Variants in SOX6 observed in about 807,000 individuals in gnomAD.
SOX6 encodes transcription factor SOX-6.
SOX6 carries 11 observed loss-of-function variants against 97.8 expected under a neutral mutation model. That is an observed-to-expected ratio of 0.11 (90% CI 0.07 to 0.19). The LOEUF (loss-of-function observed/expected upper bound fraction) is 0.19. SOX6 is among the 10% of genes least tolerant of loss of function. The probability of loss-of-function intolerance (pLI) is 1.00; values close to 1 mark genes in which losing one functional copy is unlikely to be tolerated. For missense variants in SOX6, 810 were observed against 1,039.5 expected (o/e 0.78, Z 3.04); for synonymous variants, 360 against 371.4 (o/e 0.97, Z 0.35).
chr11:16,108,405 T>C (rs1849150381), intron 7 of SOX6, among the ~76,000 whole-genome samples: 1 of 152,204 alleles, frequency 6.6e-6, no homozygotes, highest in Non-Finnish European at 1.5e-5. Flanking sequence ...CGTTTCTGTT[T>C]TTCAGGCAAG....
At chr11:16,132,424 AGAAAGAAAGAAAGAAAGAAAAAAGAAAG>A (rs1564972491) in intron 6 of SOX6, among the ~76,000 whole-genome samples, 3 of 108,822 alleles carry the variant, frequency 2.8e-5, no homozygotes, top group African/African-American at 4.1e-5. Flanking sequence ...AAAGAAAGAA[AGAAAGAAAGAAAGAAAGAAAAAAGAAAG>A]AAAGAAAGAA....
chr11:16,687,669 G>A (rs1335532099), intron 3 of SOX6, among the ~76,000 whole-genome samples: 5 of 152,104 alleles, frequency 3.3e-5, no homozygotes, highest in African/African-American at 1.2e-4. Context: ...AGATTTATAG[G>A]TTGACAGTTG....
At chr11:16,455,206 C>A (rs1859789390) in intron 1 of SOX6, among the ~76,000 whole-genome samples, 1 of 151,896 alleles carries the variant, frequency 6.6e-6, no homozygotes, top group African/African-American at 2.4e-5. Flanking sequence ...AATTTGATTT[C>A]TTTACTTCCT....
intron 7 of SOX6, among the ~76,000 whole-genome samples, chr11:16,100,332 T>C (rs1294250152): frequency 5.9e-5 from 9 of 151,820 alleles, no homozygotes; most frequent in African/African-American, 2.2e-4. Context: ...CTTTATGCAC[T>C]ACTGTAATCT....
At chr11:16,047,867 T>C (rs1255460772) in intron 11 of SOX6, among the ~76,000 whole-genome samples, 3 of 151,780 alleles carry the variant, frequency 2.0e-5, no homozygotes, top group Admixed American at 6.6e-5. Context: ...AAGCTATACA[T>C]GGAATTTTTT....
rs563431170 is a variant in SOX6, at chr11:16,421,638, C to G, written c.-5+54677G>C. Among the ~76,000 whole-genome samples the G allele has an allele frequency of 9.2e-5, 14 of 152,226 alleles. No homozygotes were observed. The East Asian group carries it at 2.7e-3, about 29-fold the overall frequency. On this transcript the variant is annotated intron_variant, in intron 1 of 15. Transcript: ENST00000396356. ...TTCAATGATATTGTACAAAAGAAAA[C>G]AAGCTGCACTATCTTTGACTTGATT...
chr11:16,196,156 A>G (rs1225380691), intron 4 of SOX6, among the ~76,000 whole-genome samples: 1 of 152,224 alleles, frequency 6.6e-6, no homozygotes, highest in Non-Finnish European at 1.5e-5. Flanking sequence ...GAAAAGCTTT[A>G]TATATTAAGT....
At chr11:16,550,987 G>A (rs1001674431) in intron 4 of SOX6, among the ~76,000 whole-genome samples, 3 of 152,104 alleles carry the variant, frequency 2.0e-5, no homozygotes, top group African/African-American at 7.2e-5. Flanking sequence ...GGCGGCTTAG[G>A]TGGGAGGATT....
At chr11:16,664,434 C>T (rs1303094807) in intron 3 of SOX6, among the ~76,000 whole-genome samples, 2 of 152,136 alleles carry the variant, frequency 1.3e-5, no homozygotes, top group Non-Finnish European at 2.9e-5. Context: ...CTCAGTGCTG[C>T]CCTGTCACAG....
At position 16,613,432 on chromosome 11, in the gene SOX6, C is replaced by T. The variant is rs1415335404; in HGVS notation, n.430-1172G>A. Among the ~76,000 whole-genome samples, 1 of 152,122 alleles carries T rather than the reference C, an allele frequency of 6.6e-6. No individual in the cohort carries two copies. Among genetic ancestry groups the T allele is most frequent in the African/African-American group, 2.4e-5 (1 of 41,420 alleles). On this transcript the variant is annotated intron_variant and non_coding_transcript_variant, in intron 3 of 5. Coordinates refer to the SOX6 transcript ENST00000524520. The surrounding 1 kb of genome is among the most constrained non-coding windows in gnomAD (Gnocchi z 4.6). Reference sequence around the variant, plus strand: ...CTACCGCTGGCGGCGGCAACCAGAGCCTCTGTCTTGCCAGTTGCGCACTCT... The same window carrying T: ...CTACCGCTGGCGGCGGCAACCAGAGTCTCTGTCTTGCCAGTTGCGCACTCT...
At chr11:16,341,746 A>T (rs2134342230) in intron 1 of SOX6, among the ~76,000 whole-genome samples, 1 of 152,158 alleles carries the variant, frequency 6.6e-6, no homozygotes, top group Non-Finnish European at 1.5e-5. Context: ...TAATCAGGAG[A>T]GTAAATAATT....
intron 1 of SOX6, among the ~76,000 whole-genome samples, chr11:16,350,797 G>A (rs1178084839): frequency 1.3e-5 from 2 of 152,040 alleles, no homozygotes; most frequent in Non-Finnish European, 2.9e-5. Flanking sequence ...TATTTCATGA[G>A]GACAGGGATC....
chr11:16,129,956 A>C (rs773692106), intron 6 of SOX6, among the ~76,000 whole-genome samples: 9 of 152,046 alleles, frequency 5.9e-5, no homozygotes, highest in Non-Finnish European at 1.2e-4. Context: ...TTTCCTCATC[A>C]GTCCAATAAG....
At chr11:16,491,614 GA>G (rs1860511736) in intron 4 of SOX6, among the ~76,000 whole-genome samples, 1 of 151,936 alleles carries the variant, frequency 6.6e-6, no homozygotes. Context: ...AGAAAATCTT[GA>G]GCACAAAGAA....
upstream of SOX6, among the ~76,000 whole-genome samples, chr11:16,478,975 A>G (rs1043801245): frequency 9.2e-5 from 14 of 152,174 alleles, no homozygotes; most frequent in African/African-American, 3.1e-4. Flanking sequence ...CCAGTTCTCT[A>G]TTTGCTCATT....
At chr11:16,497,069 G>A (rs957577480) in intron 4 of SOX6, among the ~76,000 whole-genome samples, 1 of 152,172 alleles carries the variant, frequency 6.6e-6, no homozygotes, top group Non-Finnish European at 1.5e-5. Context: ...GGCACCCCCA[G>A]TAGGGGCAGA....
chr11:16,304,688 C>T (rs902859803), intron 3 of SOX6, among the ~76,000 whole-genome samples: 1 of 152,064 alleles, frequency 6.6e-6, no homozygotes, highest in East Asian at 1.9e-4. Flanking sequence ...CGTCTTATAT[C>T]CTGTGACCTT....
chr11:16,578,979 G>A (rs545662655), intron 4 of SOX6, among the ~76,000 whole-genome samples: 7 of 152,160 alleles, frequency 4.6e-5, no homozygotes, highest in African/African-American at 1.7e-4. Context: ...GCTCTCCTCT[G>A]AAACAAAATA....
At chr11:16,221,554 T>C (rs1429893026) in intron 4 of SOX6, among the ~76,000 whole-genome samples, 1 of 152,114 alleles carries the variant, frequency 6.6e-6, no homozygotes, top group Non-Finnish European at 1.5e-5. Context: ...ACACTTTCAT[T>C]TGAAATAACA....
Sources: gnomAD v4.1 joint callset for allele counts (sites outside exome capture counted in the v4.1 genomes callset) on GRCh38, gnomAD v4.1.1 for gene constraint, Gnocchi (gnomAD v3.1) non-coding constraint, MANE v1.5 for transcripts, NCBI Gene and HGNC (gene_info 2026-07-23, HGNC 2026-07-21) for gene names.